The following PDZD2 variants were observed in gnomAD, a reference collection of about 807,000 sequenced individuals.
PDZD2 encodes the protein PDZ domain containing 2.
PDZD2 carries 90 observed loss-of-function variants against 220.7 expected under a neutral mutation model. That is an observed-to-expected ratio of 0.41 (90% CI 0.34 to 0.49). PDZD2 has a LOEUF of 0.49. Ranked by LOEUF, PDZD2 falls within the 20% of genes least tolerant of loss-of-function variation. The pLI is 0.28. For missense variants in PDZD2, 3,174 were observed against 3,608.5 expected (o/e 0.88, Z 3.08); for synonymous variants, 1,375 against 1,450.5 (o/e 0.95, Z 1.18).
intron 8 of PDZD2, among the ~76,000 whole-genome samples, chr5:32,049,456 A>C (rs938416404): frequency 6.6e-6 from 1 of 152,204 alleles, no homozygotes; most frequent in African/African-American, 2.4e-5. Context: ...AACGACCTCC[A>C]CACATGCTTG....
Position 31,978,458 on chromosome 5 carries a change from G to A in PDZD2, c.477-4697G>A, listed in dbSNP as rs1440685453. On this transcript the variant is annotated intron_variant, in intron 2 of 24. Transcript: ENST00000438447. ...AGAATGGCCAGGCATGGTGGCTCAC[G>A]CCTGTAATCCTAGAACTTTGGGAGG... is the stretch of plus-strand genomic sequence containing the variant. Among the ~76,000 whole-genome samples the A allele has an allele frequency of 2.6e-5, 4 of 152,116 alleles. No homozygotes were observed. In the East Asian group the frequency reaches 5.8e-4, roughly 22 times the overall value.
intron 13 of PDZD2, among the ~76,000 whole-genome samples, chr5:32,060,126 GT>G (rs1739527142): frequency 1.3e-5 from 2 of 152,050 alleles, no homozygotes. Flanking sequence ...TTGGGGCCCT[GT>G]TAATAGCTTA....
rs188959890 is a variant in PDZD2, at chr5:31,847,838, C to G, written c.476+48114C>G. The G allele has an allele frequency of 5.5e-5, 30 of 548,218 alleles. No homozygotes were observed. In the East Asian group the frequency reaches 1.2e-3, roughly 22 times the overall value. The allele number at this position is 548,218 out of a possible 1,614,324, so 34.0% of individuals were successfully genotyped here. On this transcript the variant is annotated intron_variant, in intron 2 of 24. Transcript: ENST00000438447. ...GATTCTGAAAGCAAGGAACTTAATG[C>G]AGAAGTTAATGCATTGGAAGCACAT...
intron 4 of PDZD2, 80 bp downstream of exon 4, chr5:31,995,798 T>G: frequency 1.6e-6 from 2 of 1,281,458 alleles, no homozygotes; most frequent in Non-Finnish European, 2.2e-6. Context: ...GCAGGTGCTC[T>G]TCCACTTGTT....
chr5:31,699,565 A>G (rs986046516), intron 1 of PDZD2, among the ~76,000 whole-genome samples: 21 of 152,050 alleles, frequency 1.4e-4, no homozygotes, highest in Admixed American at 7.9e-4. Flanking sequence ...CCTGGGCAAC[A>G]TGGCAAAACC....
chr5:32,048,718 A>G (rs1738224937), intron 8 of PDZD2, 34 bp downstream of exon 8: 7 of 1,609,604 alleles, frequency 4.3e-6, no homozygotes, highest in Admixed American at 1.7e-5. Context: ...TTCAAAGACC[A>G]TAAGGGCTTA....
intron 19 of PDZD2, among the ~76,000 whole-genome samples, chr5:32,085,854 GT>G (rs34367845): frequency 0.25 from 37,206 of 146,904 alleles, 4,905 homozygotes; most frequent in South Asian, 0.49. Flanking sequence ...TTTTACAACT[GT>G]TTTTTTTTTT....
chr5:31,726,725 G>T (rs1284705368), intron 1 of PDZD2, among the ~76,000 whole-genome samples: 1 of 152,094 alleles, frequency 6.6e-6, no homozygotes, highest in East Asian at 1.9e-4. Flanking sequence ...TCCTATTTGA[G>T]GCTTTGACCT....
At chr5:31,973,104 A>G (rs1749451287) in intron 2 of PDZD2, among the ~76,000 whole-genome samples, 1 of 152,196 alleles carries the variant, frequency 6.6e-6, no homozygotes, top group South Asian at 2.1e-4. Flanking sequence ...CAACAGGTGT[A>G]TGGGTGCTGT....
At position 32,087,265 on chromosome 5, in the gene PDZD2, G is replaced by A; in HGVS notation, c.3817G>A (p.Val1273Ile). The change falls in exon 20 of 25, where the codon GTC becomes ATC. Residue 1273 changes from valine (V) to isoleucine (I), a missense_variant. Around this residue, in one of 4 missense-constraint regions of PDZD2, gnomAD observed 1,861 missense variants for 2,001.0 expected, o/e 0.93. Coordinates refer to ENST00000438447, the MANE Select transcript of PDZD2 (RefSeq NM_178140.4). This position sits in a 1 kb window ranked among gnomAD's most constrained non-coding sequence, Gnocchi z 4.0. ...ENPSQPASPRVTKCKARSPVR... is the reference protein window; with the variant it reads ...ENPSQPASPRITKCKARSPVR... ...TCCCAGCCAGCCTGCATCGCCCAGGGTCACCAAGTGCAAGGCCAGGTCTCC... is the reference window on the plus strand; with the variant it reads ...TCCCAGCCAGCCTGCATCGCCCAGGATCACCAAGTGCAAGGCCAGGTCTCC... 17 of 1,614,178 alleles carry A rather than the reference G, an allele frequency of 1.1e-5. No individual in the cohort carries two copies. Among genetic ancestry groups the A allele is most frequent in the Non-Finnish European group, 1.4e-5 (17 of 1,180,010 alleles).
intron 2 of PDZD2, among the ~76,000 whole-genome samples, chr5:31,917,073 A>T (rs1177479210): frequency 6.6e-6 from 1 of 152,162 alleles, no homozygotes; most frequent in Non-Finnish European, 1.5e-5. Context: ...GATGGAGGAA[A>T]CCAGATGGAG....
At chr5:31,801,077 G>A (rs116005415) in intron 2 of PDZD2, among the ~76,000 whole-genome samples, 123 of 152,328 alleles carry the variant, frequency 8.1e-4, no homozygotes, top group African/African-American at 2.8e-3. Flanking sequence ...GAGAAGAATG[G>A]AGATTGGATG....
chr5:31,883,851 C>T (rs563936398), intron 2 of PDZD2, among the ~76,000 whole-genome samples: 1 of 151,978 alleles, frequency 6.6e-6, no homozygotes. Context: ...ATCTGCCTAT[C>T]TCACCTCCCA....
chr5:31,766,291 T>C (rs1752004187), intron 1 of PDZD2, among the ~76,000 whole-genome samples: 1 of 152,194 alleles, frequency 6.6e-6, no homozygotes, highest in Admixed American at 6.5e-5. Flanking sequence ...TTCTACAGTG[T>C]GAAACTCAGA....
chr5:31,964,995 T>C (rs2111729372), intron 2 of PDZD2, among the ~76,000 whole-genome samples: 1 of 152,354 alleles, frequency 6.6e-6, no homozygotes, highest in East Asian at 1.9e-4. Context: ...ATGCTGGGAT[T>C]ACAGGCATGA....
At chr5:32,012,712 C>T (rs934176461) in intron 6 of PDZD2, among the ~76,000 whole-genome samples, 1 of 151,826 alleles carries the variant, frequency 6.6e-6, no homozygotes, top group Non-Finnish European at 1.5e-5. Context: ...CAGTCATACT[C>T]TCCTGCAAAA....
intron 6 of PDZD2, among the ~76,000 whole-genome samples, chr5:32,020,897 C>T (rs1351691436): frequency 1.3e-5 from 2 of 151,744 alleles, no homozygotes; most frequent in Non-Finnish European, 1.5e-5. Context: ...CTGCCCACCT[C>T]AGCCTCCCAA....
At chr5:32,075,620 T>A (rs1442145935) in intron 18 of PDZD2, among the ~76,000 whole-genome samples, 1 of 152,214 alleles carries the variant, frequency 6.6e-6, no homozygotes, top group Non-Finnish European at 1.5e-5. Context: ...AATATCAAAT[T>A]GTTCATTTTT....
intron 2 of PDZD2, among the ~76,000 whole-genome samples, chr5:31,816,456 A>C (rs1193296462): frequency 4.6e-5 from 7 of 152,132 alleles, no homozygotes; most frequent in African/African-American, 1.7e-4. Context: ...GTGTTGTAAC[A>C]ATAAATAAGA....
Sources: gnomAD v4.1 joint callset for allele counts (sites outside exome capture counted in the v4.1 genomes callset) on GRCh38, gnomAD v4.1.1 for gene constraint, gnomAD v4.1.1 regional missense constraint, Gnocchi (gnomAD v3.1) non-coding constraint, MANE v1.5 for transcripts, NCBI Gene and HGNC (gene_info 2026-07-23, HGNC 2026-07-21) for gene names.